The following MED1 variants were observed in gnomAD, a reference collection of about 807,000 sequenced individuals.
MED1 encodes the protein mediator complex subunit 1.
In MED1, 17 loss-of-function variants were observed where a neutral mutation model predicts 121.3. The ratio of observed to expected loss-of-function variants is 0.14; its 90% confidence interval spans 0.10 to 0.21. The LOEUF (loss-of-function observed/expected upper bound fraction) is 0.21. Among genes scored for constraint, MED1 ranks in the 10% least tolerant of loss-of-function variants. MED1 has a pLI of 1.00. For missense variants in MED1, 1,558 were observed against 1,919.4 expected (o/e 0.81, Z 3.52); for synonymous variants, 661 against 694.4 (o/e 0.95, Z 0.76).
Position 39,409,719 on chromosome 17 carries a change from T to C in MED1, c.2502A>G (p.Pro834=), listed in dbSNP as rs769045554. Residue 834 remains proline (P), a synonymous_variant, in exon 17 of 17, where the codon CCA becomes CCG. Coordinates refer to ENST00000300651, the MANE Select transcript of MED1 (RefSeq NM_004774.4). ...DVFQTNNNEN[P]YTDPADLIAD... ...CAATAAGATCAGCTGGATCAGTGTA[T>C]GGATTTTCATTATTGTTAGTTTGAA... is the stretch of plus-strand genomic sequence containing the variant. 1.9e-6 allele frequency: 3 copies of C among 1,614,122 alleles called. No individual in the cohort carries two copies. The highest frequency in any genetic ancestry group is 1.3e-5 in the African/African-American group (1 of 75,038).
At chr17:39,424,886 T>G in intron 10 of MED1, 148 bp from the exon 11 acceptor site, 1 of 560,358 alleles carries the variant, frequency 1.8e-6, no homozygotes, top group South Asian at 2.3e-5. Flanking sequence ...TATGTATTTA[T>G]TTATTTATTT....
chr17:39,405,256 C>T lies in MED1; in HGVS notation c.*2219G>A, dbSNP rs760430241. 8 of 1,600,634 alleles carry T rather than the reference C, an allele frequency of 5.0e-6. No individual in the cohort carries two copies. Among genetic ancestry groups the T allele is most frequent in the South Asian group, 1.1e-5 (1 of 88,404 alleles). ...TGGGTCAGTGTGGGGGTGAGCCCAT[C>T]GACAATTCAGGGGCTTATCCTTCAT... On this transcript the variant is annotated 3_prime_UTR_variant, in exon 17 of 17. Transcript: ENST00000300651.
At chr17:39,436,148 G>T (rs1164958196) in intron 6 of MED1, among the ~76,000 whole-genome samples, 2 of 151,876 alleles carry the variant, frequency 1.3e-5, no homozygotes, top group Admixed American at 6.6e-5. Context: ...AGATCACGAG[G>T]TCAGGAGATC....
chr17:39,412,533 C>CTTTTTTTTTTT, intron 16 of MED1, among the ~76,000 whole-genome samples: 1 of 102,290 alleles, frequency 9.8e-6, no homozygotes, highest in Non-Finnish European at 2.1e-5. Context: ...GCAAATTTTT[C>CTTTTTTTTTTT]TTTTTTTTTT....
chr17:39,423,383 C>T lies in MED1; in HGVS notation c.1039G>A (p.Glu347Lys), dbSNP rs751682996. 4 of 1,613,892 alleles carry T rather than the reference C, an allele frequency of 2.5e-6. No individual in the cohort carries two copies. The East Asian group carries it at 6.7e-5, about 27-fold the overall frequency. The change falls in exon 13 of 17, where the codon GAG becomes AAG. Residue 347 changes from glutamate to lysine, a missense_variant. This residue lies in a region of MED1 where 443 missense variants were observed against 532.4 expected (regional missense o/e 0.83). Transcript: ENST00000300651. ...APLYELITQF[E>K]LSKDPDPIPL... is the part of the protein sequence containing the mutation. ...ATGGGGTCAGGGTCCTTTGATAGCTCAAACTGAGTGATCAGTTCATACAGG... is the reference window on the plus strand; with the variant it reads ...ATGGGGTCAGGGTCCTTTGATAGCTTAAACTGAGTGATCAGTTCATACAGG...
chr17:39,419,726 G>C lies in MED1; in HGVS notation c.1288C>G (p.Leu430Val), dbSNP rs775065588. Residue 430 changes from leucine (L) to valine (V), a missense_variant, in exon 14 of 17, where the codon CTG (leucine) becomes GTG (valine). Leu to Val is a conservative substitution (Grantham distance 32, BLOSUM62 1). Transcript: ENST00000300651. ...LIGSCVKRTI[L>V]KEDSPGLLQF... Reference sequence around the variant, plus strand: ...AAAGGAAAGGCAGTACCTTCTTTCAGAATAGTTCTTTTGACACAGCTTCCA... The same window carrying C: ...AAAGGAAAGGCAGTACCTTCTTTCACAATAGTTCTTTTGACACAGCTTCCA... 1 of 1,611,342 alleles carries C rather than the reference G, an allele frequency of 6.2e-7. No individual in the cohort carries two copies. The highest frequency in any genetic ancestry group is 8.5e-7 in the Non-Finnish European group (1 of 1,177,520).
intron 14 of MED1, among the ~76,000 whole-genome samples, chr17:39,418,068 AGAGT>A (rs1230532746): frequency 8.0e-6 from 1 of 124,236 alleles, no homozygotes; most frequent in Non-Finnish European, 1.6e-5. Flanking sequence ...CCTGGGGAAC[AGAGT>A]GAGACTCCGT....
At chr17:39,412,228 C>CTTTT (rs1163616624) in intron 16 of MED1, among the ~76,000 whole-genome samples, 2 of 132,262 alleles carry the variant, frequency 1.5e-5, no homozygotes, top group African/African-American at 2.9e-5. Context: ...ATTTTTTTTT[C>CTTTT]TTTTTTTTTT....
At chr17:39,422,481 T>TG (rs2048475147) in intron 13 of MED1, among the ~76,000 whole-genome samples, 1 of 144,358 alleles carries the variant, frequency 6.9e-6, no homozygotes, top group South Asian at 2.3e-4. Context: ...TTTTTTTTTT[T>TG]TTTTTTTTTT....
At chr17:39,425,183 G>A (rs71369762) in intron 10 of MED1, among the ~76,000 whole-genome samples, 4,908 of 151,850 alleles carry the variant, frequency 0.032, 277 homozygotes, top group African/African-American at 0.11. Flanking sequence ...GAATCACTGC[G>A]CCCAGCCTAT....
chr17:39,412,356 G>C (rs2048364490), intron 16 of MED1, among the ~76,000 whole-genome samples: 2 of 149,966 alleles, frequency 1.3e-5, no homozygotes, highest in Admixed American at 1.3e-4. Flanking sequence ...AGCCTCTCGA[G>C]TAGCTGGGAT....
At chr17:39,432,182 A>C in intron 7 of MED1, among the ~76,000 whole-genome samples, 166 bp from the exon 8 acceptor site, 1 of 151,670 alleles carries the variant, frequency 6.6e-6, no homozygotes, top group Middle Eastern at 3.2e-3. Context: ...ATCTCTACTA[A>C]AACTACAAAA....
rs775776040 is a variant in MED1 at position 39,408,211 on chromosome 17, C to T, written c.4010G>A (p.Ser1337Asn). The change falls in exon 17 of 17, where the codon AGC (serine) becomes AAC (asparagine). Residue 1337 changes from serine to asparagine, a missense_variant. By Grantham distance (46) the Ser-to-Asn change is conservative (BLOSUM62 1). Coordinates refer to ENST00000300651, the MANE Select transcript of MED1 (RefSeq NM_004774.4). The surrounding 1 kb of genome is among the most constrained non-coding windows in gnomAD (Gnocchi z 4.7). The stretch of plus-strand genomic sequence containing the variant: ...GTTATGTTTGGAGGACATAGGATGG[C>T]TGGAAGAATTTGTGCTCACCCCCAT... ...GQMGVSTNSS[S>N]HPMSSKHNMS... 1.9e-6 allele frequency: 3 copies of T among 1,614,040 alleles called. No homozygotes were observed. The highest frequency in any genetic ancestry group is 1.7e-5 in the Admixed American group (1 of 60,018).
intron 1 of MED1, 94 bp from the exon 2 acceptor site, chr17:39,447,998 T>A: frequency 1.3e-6 from 1 of 778,502 alleles, no homozygotes; most frequent in Non-Finnish European, 2.1e-6. Flanking sequence ...TTCATCACAG[T>A]AAGAATTCAG....
chr17:39,448,108 C>T (rs2048745292), intron 1 of MED1, among the ~76,000 whole-genome samples: 1 of 151,258 alleles, frequency 6.6e-6, no homozygotes, highest in Non-Finnish European at 1.5e-5. Context: ...TAAGGAATAC[C>T]ATACCACTGG....
intron 6 of MED1, among the ~76,000 whole-genome samples, chr17:39,437,341 T>C (rs927019577): frequency 6.6e-6 from 1 of 152,046 alleles, no homozygotes; most frequent in African/African-American, 2.4e-5. Flanking sequence ...ACCTCCCAAA[T>C]TGTTGGGATT....
At chr17:39,449,427 C>T (rs1188276595) in intron 1 of MED1, among the ~76,000 whole-genome samples, 6 of 152,128 alleles carry the variant, frequency 3.9e-5, no homozygotes, top group African/African-American at 9.7e-5. Context: ...GTGATTCGCC[C>T]GCTTCGGCCT....
intron 16 of MED1, among the ~76,000 whole-genome samples, chr17:39,412,537 T>G (rs549290992): frequency 6.7e-6 from 1 of 149,250 alleles, no homozygotes; most frequent in African/African-American, 2.5e-5. Flanking sequence ...ATTTTTCTTT[T>G]TTTTTTTTTT....
At chr17:39,446,425 GGGTGACAAA>G (rs2048727784) in intron 2 of MED1, among the ~76,000 whole-genome samples, 2 of 139,208 alleles carry the variant, frequency 1.4e-5, no homozygotes, top group South Asian at 2.5e-4. Context: ...ACTCCAGCCT[GGGTGACAAA>G]GCGACACTCC....
Sources: gnomAD v4.1 joint callset for allele counts (sites outside exome capture counted in the v4.1 genomes callset) on GRCh38, gnomAD v4.1.1 for gene constraint, gnomAD v4.1.1 regional missense constraint, Gnocchi (gnomAD v3.1) non-coding constraint, MANE v1.5 for transcripts, NCBI Gene and HGNC (gene_info 2026-07-23, HGNC 2026-07-21) for gene names.